The following RANBP3 variants were observed in gnomAD, a reference collection of about 807,000 sequenced individuals.
RANBP3 encodes ran-binding protein 3.
In RANBP3, 14 loss-of-function variants were observed where a neutral mutation model predicts 77.3. The ratio of observed to expected loss-of-function variants is 0.18; its 90% CI spans 0.12 to 0.28. The LOEUF (loss-of-function observed/expected upper bound fraction) is 0.28, where lower values mean the gene tolerates loss of function less well. Among genes scored for constraint, RANBP3 ranks in the 10% least tolerant of loss-of-function variants. RANBP3 has a pLI of 1.00. For synonymous variants in RANBP3, 315 were observed against 312.4 expected (o/e 1.01, Z -0.09); for missense variants, 586 against 752.3 (o/e 0.78, Z 2.59).
intron 1 of RANBP3, chr19:5,974,207 C>T (rs909818712): frequency 1.3e-5 from 2 of 152,362 alleles, no homozygotes; most frequent in Non-Finnish European, 2.9e-5. Context: ...GCCATCAAAA[C>T]GTCAACTGCA....
At chr19:5,954,374 C>T (rs1034439319) in intron 2 of RANBP3, among the ~76,000 whole-genome samples, 18 of 152,096 alleles carry the variant, frequency 1.2e-4, no homozygotes, top group African/African-American at 3.6e-4. Context: ...GGACTATATA[C>T]TGGAGGATAT....
rs34457874 is a variant in RANBP3, at chr19:5,942,217, G to A, written c.283-382C>T. Among the ~76,000 whole-genome samples the A allele has an allele frequency of 9.2e-3, 1,408 of 152,246 alleles. 7 individuals carry two copies. The highest frequency in any genetic ancestry group is 0.016 in the Non-Finnish European group (1,085 of 68,034). On this transcript the variant is annotated intron_variant, in intron 3 of 16. Coordinates refer to ENST00000340578, the MANE Select transcript of RANBP3 (RefSeq NM_007322.3). ...GACCCTCTCCACCCTTGAGGGCAGC[G>A]GACTTGTGTAAAATGGTCACATCAC...
chr19:5,925,853 T>G, intron 9 of RANBP3, 116 bp from the exon 10 acceptor site: 19 of 729,118 alleles, frequency 2.6e-5, no homozygotes, highest in East Asian at 8.8e-5. Flanking sequence ...ATGAACCCTC[T>G]CCTGTACCCG....
Position 5,941,569 on chromosome 19 carries a change from C to T in RANBP3, c.406+52G>A, listed in dbSNP as rs371320101. ...GGATGCGCGGCACTGAGGGGAATGG[C>T]GGGTTTGTAAGCATAAACGCTTTCA... On this transcript the variant is annotated intron_variant, in intron 5 of 16. Coordinates refer to ENST00000340578, the MANE Select transcript of RANBP3 (RefSeq NM_007322.3). The T allele has an allele frequency of 1.5e-5, 22 of 1,469,112 alleles. No individual in the cohort carries two copies. The African/African-American group carries it at 1.7e-4, about 11-fold the overall frequency. The allele number at this position is 1,469,112 out of a possible 1,614,324, so 91.0% of individuals were successfully genotyped here.
intron 3 of RANBP3, 32 bp from the exon 4 acceptor site, chr19:5,941,867 G>C (rs777858840): frequency 1.2e-6 from 2 of 1,611,930 alleles, no homozygotes; most frequent in Non-Finnish European, 1.7e-6. Flanking sequence ...CGGGGTCAGA[G>C]GGCATCAGGC....
At chr19:5,954,619 A>G (rs1426904508) in intron 2 of RANBP3, among the ~76,000 whole-genome samples, 1 of 152,118 alleles carries the variant, frequency 6.6e-6, no homozygotes, top group Non-Finnish European at 1.5e-5. Context: ...AAAATGTTGA[A>G]GCAAAAAGGG....
At chr19:5,931,803 C>T (rs1449474261) in intron 7 of RANBP3, among the ~76,000 whole-genome samples, 1 of 152,054 alleles carries the variant, frequency 6.6e-6, no homozygotes, top group Non-Finnish European at 1.5e-5. Flanking sequence ...GAGGCTGAAG[C>T]GGGGAGAATG....
chr19:5,927,930 C>A (rs952639240), intron 9 of RANBP3, 38 bp downstream of exon 9: 11 of 1,577,300 alleles, frequency 7.0e-6, no homozygotes, highest in Non-Finnish European at 9.5e-6. Context: ...CTGGGGAAGG[C>A]ATAAAAAGTC....
chr19:5,974,179 C>T (rs974847889), intron 1 of RANBP3, among the ~76,000 whole-genome samples: 1 of 152,172 alleles, frequency 6.6e-6, no homozygotes, highest in East Asian at 1.9e-4. Flanking sequence ...CACAGGACAG[C>T]CCCTCCCGCC....
chr19:5,927,097 T>TA (rs1208847645), intron 9 of RANBP3, among the ~76,000 whole-genome samples: 1 of 152,152 alleles, frequency 6.6e-6, no homozygotes, highest in Non-Finnish European at 1.5e-5. Flanking sequence ...CAGCCACCGA[T>TA]ACCGCCTCTC....
intron 3 of RANBP3, among the ~76,000 whole-genome samples, chr19:5,947,876 T>C (rs2058227235): frequency 6.6e-6 from 1 of 152,198 alleles, no homozygotes; most frequent in Non-Finnish European, 1.5e-5. Context: ...ACATCCCATC[T>C]GGAATGGGAA....
chr19:5,940,046 G>A (rs2058115439), intron 5 of RANBP3, among the ~76,000 whole-genome samples: 1 of 152,254 alleles, frequency 6.6e-6, no homozygotes, highest in Admixed American at 6.5e-5. Flanking sequence ...AAATGAAGTG[G>A]AATTCGTAGG....
intron 12 of RANBP3, 97 bp downstream of exon 12, chr19:5,923,715 G>C: frequency 1.1e-6 from 1 of 940,610 alleles, no homozygotes; most frequent in Non-Finnish European, 1.7e-6. Context: ...TGCGGGAGTC[G>C]GGCCCCTTAT....
In RANBP3 at chr19:5,916,755, G is replaced by C. The variant is rs2057743836; in HGVS notation, c.*855C>G. ...TGAACCACGTGACAGATGGAGACGG[G>C]AGTCAGGGGACCCTGGGGACCCTTC... is the stretch of plus-strand genomic sequence containing the variant. On this transcript the variant is annotated 3_prime_UTR_variant, in exon 17 of 17. Transcript: ENST00000340578. The C allele has an allele frequency of 6.6e-6, 1 of 152,330 alleles. No homozygotes were observed. The highest frequency in any genetic ancestry group is 6.5e-5 in the Admixed American group (1 of 15,292). 9.4% of individuals were successfully genotyped at this position (152,330 alleles called of 1,614,324 possible).
At chr19:5,947,737 G>A (rs745400187) in intron 3 of RANBP3, among the ~76,000 whole-genome samples, 6 of 152,112 alleles carry the variant, frequency 3.9e-5, no homozygotes, top group Non-Finnish European at 5.9e-5. Context: ...TGTGCCCCAC[G>A]TCCCTGCCGG....
chr19:5,925,862 C>G, intron 9 of RANBP3, 125 bp from the exon 10 acceptor site: 3 of 732,918 alleles, frequency 4.1e-6, no homozygotes, highest in Middle Eastern at 2.6e-4. Flanking sequence ...CTCCTGTACC[C>G]GCCTGTGTGT....
At chr19:5,928,195 G>A in intron 8 of RANBP3, 108 bp from the exon 9 acceptor site, 2 of 1,304,058 alleles carry the variant, frequency 1.5e-6, no homozygotes, top group Non-Finnish European at 1.0e-6. Flanking sequence ...CGTCTCCTCT[G>A]CATGTGCCTG....
chr19:5,935,327 C>T (rs763394292), intron 5 of RANBP3, among the ~76,000 whole-genome samples: 19 of 152,256 alleles, frequency 1.2e-4, no homozygotes, highest in Admixed American at 6.5e-4. Flanking sequence ...GTGCCTCTCC[C>T]GTAACAGACT....
intron 1 of RANBP3, among the ~76,000 whole-genome samples, chr19:5,964,124 G>A (rs949142783): frequency 6.6e-6 from 1 of 152,174 alleles, no homozygotes; most frequent in African/African-American, 2.4e-5. Context: ...GTGAGGCTCC[G>A]ATGCAAAATG....
Sources: gnomAD v4.1 joint callset for allele counts (sites outside exome capture counted in the v4.1 genomes callset) on GRCh38, gnomAD v4.1.1 for gene constraint, MANE v1.5 for transcripts, NCBI Gene and HGNC (gene_info 2026-07-23, HGNC 2026-07-21) for gene names.